P4HTM: variants seen among roughly 807,000 people sequenced by gnomAD.
P4HTM encodes the protein transmembrane prolyl 4-hydroxylase.
In P4HTM, 33 loss-of-function variants were observed where a neutral mutation model predicts 55.3. That is an observed-to-expected ratio of 0.60 (90% CI 0.45 to 0.80). The LOEUF is 0.80. P4HTM is among the 30% of genes least tolerant of loss of function. The pLI, the probability that P4HTM is intolerant of heterozygous loss-of-function variation, is 0.00. For synonymous variants in P4HTM, 272 were observed against 286.4 expected, an observed-to-expected ratio of 0.95 and a Z score of 0.51; for missense variants, 542 against 696.5, an observed-to-expected ratio of 0.78 and a Z score of 2.50.
chr3:49,004,064 C>A, intron 4 of P4HTM, 34 bp from the exon 5 acceptor site: 1 of 1,540,320 alleles, frequency 6.5e-7, no homozygotes, highest in South Asian at 1.2e-5. Flanking sequence ...CCAATATGGG[C>A]TTGGTGGGCA....
At chr3:49,006,661 G>A (rs145859983) in intron 8 of P4HTM, 26 bp from the exon 9 acceptor site, 367 of 1,604,218 alleles carry the variant, frequency 2.3e-4, no homozygotes, top group Non-Finnish European at 2.9e-4. Flanking sequence ...CCCAGCCTAG[G>A]ATCTCACGTC....
chr3:49,000,397 A>T (rs1482363264), intron 2 of P4HTM, among the ~76,000 whole-genome samples: 1 of 152,156 alleles, frequency 6.6e-6, no homozygotes, highest in Non-Finnish European at 1.5e-5. Context: ...AAAAAATAAA[A>T]AAATAAAAAA....
chr3:49,005,193 C>T, intron 6 of P4HTM, 147 bp downstream of exon 6: 1 of 1,581,068 alleles, frequency 6.3e-7, no homozygotes, highest in Non-Finnish European at 8.6e-7. Flanking sequence ...CTCACCTCTC[C>T]CCACAAGTTG....
intron 3 of P4HTM, 105 bp downstream of exon 3, chr3:49,001,733 T>C (rs756134121): frequency 1.1e-5 from 11 of 1,021,446 alleles, no homozygotes; most frequent in Admixed American, 2.2e-5. Context: ...AAAAGTCAGA[T>C]ACTACCCAGA....
chr3:48,990,844 G>A lies in P4HTM; in HGVS notation c.366G>A (p.Glu122=). ...TRLEGIKVGH[E]RKVQLVTDRD... ...CGCCTTTTCCTTAGGTGGGGCACGA[G>A]CGTAAGGTCCAGCTGGTCACCGACA... The change falls in exon 2 of 9, where the codon GAG becomes GAA. Residue 122 remains glutamate, a synonymous_variant. Transcript: ENST00000383729. This position sits in a 1 kb window ranked among gnomAD's most constrained non-coding sequence, Gnocchi z 7.2. 1.2e-6 allele frequency: 2 copies of A among 1,613,882 alleles called. No homozygotes were observed. Among genetic ancestry groups the A allele is most frequent in the Admixed American group, 3.3e-5 (2 of 60,024 alleles).
At chr3:49,006,246 GC>G in intron 8 of P4HTM, 59 bp downstream of exon 8, 2 of 1,553,984 alleles carry the variant, frequency 1.3e-6, no homozygotes, top group South Asian at 1.1e-5. Flanking sequence ...CCTTTACCCA[GC>G]CCCCGTCTGC....
rs1284173425 is a variant in P4HTM, at chr3:48,990,427, G to A, written c.171G>A (p.Ser57=). Residue 57 remains serine, a synonymous_variant, in exon 1 of 9, where the codon TCG becomes TCA. Transcript: ENST00000383729. The surrounding 1 kb of genome is among the most constrained non-coding windows in gnomAD (Gnocchi z 7.2). Reference sequence around the variant, plus strand: ...TGTGCAAGCCCCGCGGCATCTGCTCGCGCGCCTACTTCCTGGTGCTGATGG... The same window carrying A: ...TGTGCAAGCCCCGCGGCATCTGCTCACGCGCCTACTTCCTGGTGCTGATGG... ...RPLCKPRGIC[S]RAYFLVLMVF... 2.5e-6 allele frequency: 4 copies of A among 1,607,044 alleles called. No individual in the cohort carries two copies. The highest frequency in any genetic ancestry group is 1.3e-5 in the African/African-American group (1 of 74,636).
chr3:49,005,131 G>A (rs150458516), intron 6 of P4HTM, 85 bp downstream of exon 6: 386 of 1,612,394 alleles, frequency 2.4e-4, no homozygotes, highest in Non-Finnish European at 3.1e-4. Context: ...CTGTGGGCGT[G>A]CCCCTTGGCA....
chr3:49,006,321 G>A, intron 8 of P4HTM, 134 bp downstream of exon 8: 2 of 952,742 alleles, frequency 2.1e-6, no homozygotes, highest in East Asian at 5.0e-5. Context: ...CCTCCCAAAG[G>A]CCATCCTTAG....
intron 2 of P4HTM, among the ~76,000 whole-genome samples, chr3:48,992,834 T>G (rs1372058788): frequency 6.6e-6 from 1 of 150,580 alleles, no homozygotes; most frequent in Non-Finnish European, 1.5e-5. Context: ...TCCGGCTAAT[T>G]TTTTGCATTT....
At chr3:48,991,847 A>C (rs1358120981) in intron 2 of P4HTM, 1 of 152,132 alleles carries the variant, frequency 6.6e-6, no homozygotes, top group African/African-American at 2.4e-5. Context: ...TGACAAACAT[A>C]TTTGCAAACC....
At chr3:48,991,104 T>C in intron 2 of P4HTM, 190 bp downstream of exon 2, 1 of 575,442 alleles carries the variant, frequency 1.7e-6, no homozygotes. Flanking sequence ...CCCAACTCCC[T>C]GCAGTCCATT....
intron 2 of P4HTM, chr3:48,997,482 G>C (rs1337274590): frequency 1.3e-5 from 2 of 152,332 alleles, no homozygotes; most frequent in African/African-American, 4.8e-5. Context: ...ACAGGTTGCA[G>C]TCCCAGGGGC....
chr3:49,003,120 G>A (rs766313256), intron 4 of P4HTM: 4 of 251,368 alleles, frequency 1.6e-5, no homozygotes, highest in African/African-American at 4.4e-5. Flanking sequence ...GGGGAGGGGT[G>A]GGCAGGGAAG....
rs2092985092 is a variant in P4HTM at position 49,006,885 on chromosome 3, G to A, written c.1487G>A (p.Arg496His). The change falls in exon 9 of 9, where the codon CGC becomes CAC. Residue 496 changes from arginine (R) to histidine (H), a missense_variant. This residue lies in a region of P4HTM where 536 missense variants were observed against 672.1 expected (regional missense o/e 0.80). Transcript: ENST00000383729. Reference sequence around the variant, plus strand: ...GAGTGGGCTCTGGACCGGGCCTACCGCGATGCGCGCGTGGAACTCTGAGGG... The same window carrying A: ...GAGTGGGCTCTGGACCGGGCCTACCACGATGCGCGCGTGGAACTCTGAGGG... ...QPEWALDRAY[R>H]DARVEL is the part of the protein sequence containing the mutation. The A allele has an allele frequency of 6.2e-7, 1 of 1,612,306 alleles. No individual in the cohort carries two copies. The highest frequency in any genetic ancestry group is 2.2e-5 in the East Asian group (1 of 44,870).
At chr3:49,001,746 T>C (rs1448170132) in intron 3 of P4HTM, 118 bp downstream of exon 3, 1 of 838,068 alleles carries the variant, frequency 1.2e-6, no homozygotes, top group Non-Finnish European at 1.8e-6. Context: ...TACCCAGACC[T>C]GCCTGGGCAT....
Position 49,001,446 on chromosome 3 carries a change from G to A in P4HTM, c.445G>A (p.Gly149Ser), listed in dbSNP as rs778402583. The A allele has an allele frequency of 3.7e-6, 6 of 1,613,820 alleles. No homozygotes were observed. The highest frequency in any genetic ancestry group is 4.5e-5 in the East Asian group (2 of 44,892). The change falls in exon 3 of 9, where the codon GGC (glycine) becomes AGC (serine). Residue 149 changes from glycine (G) to serine (S), a missense_variant. By Grantham distance (56) the Gly-to-Ser change is moderately conservative. Transcript: ENST00000383729. Reference sequence around the variant, plus strand: ...ACCTCCTCTTCTGGCAGAAATCCCCGGCTTCCTGACTGATGAAGAGTGTCG... The same window carrying A: ...ACCTCCTCTTCTGGCAGAAATCCCCAGCTTCCTGACTGATGAAGAGTGTCG... ...SLKPLLFEIPGFLTDEECRLI... is the reference protein window; with the variant it reads ...SLKPLLFEIPSFLTDEECRLI...
At chr3:49,004,527 C>T in intron 5 of P4HTM, 1 of 558,800 alleles carries the variant, frequency 1.8e-6, no homozygotes, top group East Asian at 3.0e-5. Flanking sequence ...TTATCTTTGA[C>T]CCCTTATCTG....
intron 2 of P4HTM, among the ~76,000 whole-genome samples, chr3:48,996,983 C>T (rs1437034470): frequency 6.6e-6 from 1 of 152,210 alleles, no homozygotes; most frequent in Non-Finnish European, 1.5e-5. Flanking sequence ...GCCTGTCTGT[C>T]CTCTTGGCCA....
Sources: gnomAD v4.1 joint callset for allele counts (sites outside exome capture counted in the v4.1 genomes callset) on GRCh38, gnomAD v4.1.1 for gene constraint, gnomAD v4.1.1 regional missense constraint, Gnocchi (gnomAD v3.1) non-coding constraint, MANE v1.5 for transcripts, NCBI Gene and HGNC (gene_info 2026-07-23, HGNC 2026-07-21) for gene names.